The following SPEG variants were observed in gnomAD, a reference collection of about 807,000 sequenced individuals.
SPEG encodes the protein striated muscle enriched protein kinase.
Under a neutral mutation model 300.4 loss-of-function variants are expected in SPEG, and 114 were observed. That is an observed-to-expected ratio of 0.38 (90% CI 0.33 to 0.44). The LOEUF is 0.44. SPEG is among the 20% of genes least tolerant of loss of function. The pLI is 1.00. For missense variants in SPEG, 4,201 were observed against 4,586.2 expected, an observed-to-expected ratio of 0.92 and a Z score of 2.43; for synonymous variants, 1,964 against 2,018.9, an observed-to-expected ratio of 0.97 and a Z score of 0.73.
Position 219,437,115 on chromosome 2 carries a change from T to C in SPEG, c.388+1750T>C, listed in dbSNP as rs558727075. Among the ~76,000 whole-genome samples the C allele has an allele frequency of 2.6e-5, 4 of 152,280 alleles. No homozygotes were observed. In the East Asian group the frequency reaches 7.7e-4, roughly 29 times the overall value. On this transcript the variant is annotated intron_variant, in intron 1 of 40. Transcript: ENST00000312358. ...AGACGTACTAGTCTAGTTAGAGACA[T>C]AGCTAGTTATGGCCATCCCAGAACT...
chr2:219,441,802 G>C (rs967247276), intron 1 of SPEG, among the ~76,000 whole-genome samples: 25 of 151,842 alleles, frequency 1.6e-4, no homozygotes, highest in African/African-American at 5.6e-4. Context: ...TAGGGGGACA[G>C]GACAAGGAAG....
intron 8 of SPEG, among the ~76,000 whole-genome samples, chr2:219,463,096 G>T (rs937776488): frequency 6.6e-6 from 1 of 151,798 alleles, no homozygotes; most frequent in Non-Finnish European, 1.5e-5. Flanking sequence ...TGTAGACCCA[G>T]CTACTTATGA....
rs374525300 is a variant in SPEG, at chr2:219,489,298, C to T, written c.8318-38C>T. Reference sequence around the variant, plus strand: ...TTCTTGTGGAGCACCATGGCCTTGCCCCAAGGCACCACGGTGATGATTTTC... The same window carrying T: ...TTCTTGTGGAGCACCATGGCCTTGCTCCAAGGCACCACGGTGATGATTTTC... On this transcript the variant is annotated intron_variant, in intron 35 of 40. Transcript: ENST00000312358. 209 of 1,613,464 alleles carry T rather than the reference C, an allele frequency of 1.3e-4. 2 individuals carry two copies. In the South Asian group the frequency reaches 2.2e-3, roughly 17 times the overall value.
Position 219,483,519 on chromosome 2 carries a change from C to T in SPEG, c.6056C>T (p.Ala2019Val). 1 of 1,411,760 alleles carries T rather than the reference C, an allele frequency of 7.1e-7. No individual in the cohort carries two copies. Among genetic ancestry groups the T allele is most frequent in the South Asian group, 1.5e-5 (1 of 65,296 alleles). The allele number at this position is 1,411,760 out of a possible 1,614,324, so 87.5% of individuals were successfully genotyped here. A position where few individuals can be genotyped will look rare whatever the true frequency, so the allele number is the denominator to read the frequency against. The stretch of plus-strand genomic sequence containing the variant: ...CGCAGGGGCAGCTCGGCTGAGAGCG[C>T]CCTGCCCCGGGCCGGGCCGCGGGAG... ...ELRRGSSAES[A>V]LPRAGPRELG... Residue 2019 changes from alanine (A) to valine (V), a missense_variant, in exon 30 of 41, where the codon GCC becomes GTC. Around this residue, in one of 4 missense-constraint regions of SPEG, gnomAD observed 1,578 missense variants for 1,506.0 expected, o/e 1.05. Coordinates refer to ENST00000312358, the MANE Select transcript of SPEG (RefSeq NM_005876.5).
At chr2:219,435,907 G>T (rs916348957) in intron 1 of SPEG, among the ~76,000 whole-genome samples, 1 of 152,226 alleles carries the variant, frequency 6.6e-6, no homozygotes, top group African/African-American at 2.4e-5. Context: ...GGTTGGCCAC[G>T]TGTGAACAGG....
In SPEG at chr2:219,471,917, C is replaced by G; in HGVS notation, c.3765C>G (p.Ala1255=). The change falls in exon 14 of 41, where the codon GCC becomes GCG. Residue 1255 remains alanine (A), a synonymous_variant. Coordinates refer to ENST00000312358, the MANE Select transcript of SPEG (RefSeq NM_005876.5). The stretch of plus-strand genomic sequence containing the variant: ...TCCCTGCCGTGGGGCCTCAGCACGC[C>G]GGTGTCTACAAGAGCGTCATTGCCA... ...LVFPAVGPQH[A]GVYKSVIANK... The G allele has an allele frequency of 6.2e-7, 1 of 1,614,010 alleles. No homozygotes were observed. The highest frequency in any genetic ancestry group is 8.5e-7 in the Non-Finnish European group (1 of 1,180,008).
rs201960521 is a variant in SPEG at position 219,491,823 on chromosome 2, G to A, written c.9415G>A (p.Gly3139Ser). The change falls in exon 39 of 41, where the codon GGC becomes AGC. Residue 3139 changes from glycine (G) to serine (S), a missense_variant. Physicochemically the swap from Gly to Ser is moderately conservative, Grantham distance 56 (BLOSUM62 0). Around this residue, in one of 4 missense-constraint regions of SPEG, gnomAD observed 318 missense variants for 429.5 expected, o/e 0.74. Transcript: ENST00000312358. ...APEMVKGEPI[G>S]SATDIWGAGV... Reference sequence around the variant, plus strand: ...GGAGATGGTGAAGGGAGAACCCATCGGCTCTGCCACGGACATCTGGGGAGC... The same window carrying A: ...GGAGATGGTGAAGGGAGAACCCATCAGCTCTGCCACGGACATCTGGGGAGC... 1.9e-5 allele frequency: 31 copies of A among 1,612,912 alleles called. No individual in the cohort carries two copies. The highest frequency in any genetic ancestry group is 1.6e-4 in the East Asian group (7 of 44,856).
At position 219,477,497 on chromosome 2, in the gene SPEG, G is replaced by A; in HGVS notation, c.4729+52G>A. On this transcript the variant is annotated intron_variant, in intron 20 of 40. Transcript: ENST00000312358. This position sits in a 1 kb window ranked among gnomAD's most constrained non-coding sequence, Gnocchi z 6.4. ...AAGCGCACACCCCCTGGAATCTGAT[G>A]TGACCCTCCATGCTCTGCCCAGGAA... 2 of 1,509,810 alleles carry A rather than the reference G, an allele frequency of 1.3e-6. No homozygotes were observed. The highest frequency in any genetic ancestry group is 1.8e-6 in the Non-Finnish European group (2 of 1,122,922). The allele number at this position is 1,509,810 out of a possible 1,614,324, so 93.5% of individuals were successfully genotyped here.
At chr2:219,471,065 C>T (rs1691830438) in intron 13 of SPEG, among the ~76,000 whole-genome samples, 2 of 152,060 alleles carry the variant, frequency 1.3e-5, no homozygotes, top group African/African-American at 4.8e-5. Context: ...GGAAGAGCCC[C>T]CGCCCATGAA....
Position 219,488,850 on chromosome 2 carries a change from C to A in SPEG, c.8099C>A (p.Pro2700Gln), listed in dbSNP as rs933038018. ...YQDTALVLWKPGDSRAPCTYT... is the reference protein window; with the variant it reads ...YQDTALVLWKQGDSRAPCTYT... The stretch of plus-strand genomic sequence containing the variant: ...GACACGGCGCTGGTGCTGTGGAAGC[C>A]GGGAGACAGCCGGGCACCTTGCACG... Residue 2700 changes from proline to glutamine, a missense_variant, in exon 34 of 41, where the codon CCG becomes CAG. Physicochemically the swap from Pro to Gln is moderately conservative, Grantham distance 76. Transcript: ENST00000312358. The A allele has an allele frequency of 6.3e-7, 1 of 1,588,778 alleles. No individual in the cohort carries two copies.
chr2:219,493,543 C>G lies in SPEG; in HGVS notation c.*757C>G, dbSNP rs16859975. 1.1e-5 allele frequency: 5 copies of G among 460,866 alleles called. 1 individual carries two copies. The highest frequency in any genetic ancestry group is 2.2e-5 in the Non-Finnish European group (5 of 228,740). The allele number at this position is 460,866 out of a possible 1,614,324, so 28.5% of individuals were successfully genotyped here. A position where few individuals can be genotyped will look rare whatever the true frequency, so the allele number is the denominator to read the frequency against. On this transcript the variant is annotated 3_prime_UTR_variant, in exon 41 of 41. Transcript: ENST00000312358. ...ATGAAGTTTCCCCTTCCATCCGATCCCTACTGCCCATGTTGTCCTGACCAT... is the reference window on the plus strand; with the variant it reads ...ATGAAGTTTCCCCTTCCATCCGATCGCTACTGCCCATGTTGTCCTGACCAT...
chr2:219,483,922 G>A lies in SPEG; in HGVS notation c.6459G>A (p.Val2153=), dbSNP rs758221002. The A allele has an allele frequency of 6.2e-6, 10 of 1,604,086 alleles. No individual in the cohort carries two copies. In the South Asian group the frequency reaches 1.1e-4, roughly 18 times the overall value. Residue 2153 remains valine, a synonymous_variant, in exon 30 of 41, where the codon GTG becomes GTA. Coordinates refer to ENST00000312358, the MANE Select transcript of SPEG (RefSeq NM_005876.5). ...RRAGAPLEIP[V]ARLGARRLQE... ...CGGGGGCGCCCCTCGAGATCCCCGT[G>A]GCCAGGCTTGGGGCCCGTAGGCTAC... is the stretch of plus-strand genomic sequence containing the variant.
chr2:219,462,196 C>T, intron 7 of SPEG, 102 bp from the exon 8 acceptor site: 1 of 1,220,824 alleles, frequency 8.2e-7, no homozygotes, highest in South Asian at 1.4e-5. Flanking sequence ...CAGAGCCAGT[C>T]TCAGCCTGGC....
In SPEG at chr2:219,489,450, C is replaced by T. The variant is rs1231677510; in HGVS notation, c.8432C>T (p.Ala2811Val). The T allele has an allele frequency of 1.9e-6, 3 of 1,597,004 alleles. No homozygotes were observed. The African/African-American group carries it at 4.0e-5, about 22-fold the overall frequency. Residue 2811 changes from alanine (A) to valine (V), a missense_variant, in exon 36 of 41, where the codon GCC (alanine) becomes GTC (valine). Coordinates refer to ENST00000312358, the MANE Select transcript of SPEG (RefSeq NM_005876.5). ...CTGGCCCCACCCCTAGCTCCTGCTG[C>T]CCCCACACCCCCGTCAGTCACTGTC... ...TSLAPPLAPA[A>V]PTPPSVTVSP...
At chr2:219,475,218 ACTC>A (rs1692233047) in intron 18 of SPEG, among the ~76,000 whole-genome samples, 2 of 152,176 alleles carry the variant, frequency 1.3e-5, no homozygotes, top group South Asian at 4.1e-4. Context: ...GCCACTCAGA[ACTC>A]CTGATCAACA....
At chr2:219,475,468 G>A (rs909916329) in intron 18 of SPEG, among the ~76,000 whole-genome samples, 7 of 152,242 alleles carry the variant, frequency 4.6e-5, no homozygotes, top group Admixed American at 2.0e-4. Context: ...CGTCTGTGAA[G>A]TGGAAGATAA....
At chr2:219,438,625 C>T (rs1246665750) in intron 1 of SPEG, among the ~76,000 whole-genome samples, 1 of 152,176 alleles carries the variant, frequency 6.6e-6, no homozygotes, top group Non-Finnish European at 1.5e-5. Flanking sequence ...TGTGGGTGTG[C>T]GTGTGTGGCT....
chr2:219,440,556 TTTTATTTTATTTATTTA>T (rs1268560695), intron 1 of SPEG, among the ~76,000 whole-genome samples: 1 of 140,780 alleles, frequency 7.1e-6, no homozygotes, highest in African/African-American at 2.6e-5. Flanking sequence ...CCTGTATTTA[TTTTATTTTATTTATTTA>T]TTTATTTATT....
rs745336583 is a variant in SPEG, at chr2:219,479,946, GC to G, written c.5164-14del. ...CTTGTTCATTTGGCCCGCACACCTCGCCTTGTGTCTTCCAGCCTGAGAACCT... is the reference window on the plus strand; with the variant it reads ...CTTGTTCATTTGGCCCGCACACCTCGCTTGTGTCTTCCAGCCTGAGAACCT... On this transcript the variant is annotated splice_polypyrimidine_tract_variant and intron_variant, in intron 24 of 40. Transcript: ENST00000312358. The surrounding 1 kb of genome is among the most constrained non-coding windows in gnomAD (Gnocchi z 5.5). 50 of 1,614,162 alleles carry G rather than the reference GC, an allele frequency of 3.1e-5. No homozygotes were observed. The African/African-American group carries it at 5.6e-4, about 18-fold the overall frequency.
Sources: gnomAD v4.1 joint callset for allele counts (sites outside exome capture counted in the v4.1 genomes callset) on GRCh38, gnomAD v4.1.1 for gene constraint, gnomAD v4.1.1 regional missense constraint, Gnocchi (gnomAD v3.1) non-coding constraint, MANE v1.5 for transcripts, NCBI Gene and HGNC (gene_info 2026-07-23, HGNC 2026-07-21) for gene names.